The following SVEP1 variants were observed in gnomAD, a reference collection of about 807,000 sequenced individuals.
The protein encoded by SVEP1 is sushi, von Willebrand factor type A, EGF and pentraxin domain-containing protein 1.
Under a neutral mutation model 367.3 loss-of-function variants are expected in SVEP1, and 164 were observed. That is an observed-to-expected ratio of 0.45 (90% CI 0.39 to 0.51). SVEP1 has a LOEUF of 0.51. Ranked by LOEUF, SVEP1 falls within the 20% of genes least tolerant of loss-of-function variation. SVEP1 has a pLI of 0.00. For synonymous variants in SVEP1, 1,666 were observed against 1,611.6 expected (o/e 1.03, Z -0.81); for missense variants, 4,117 against 4,425.3 (o/e 0.93, Z 1.98).
In SVEP1 at chr9:110,407,901, C is replaced by A; in HGVS notation, c.7699G>T (p.Val2567Leu). ...DSPQPIENGFVEGADYSYGAI... is the reference protein window; with the variant it reads ...DSPQPIENGFLEGADYSYGAI... ...CCATAGCTGTAATCTGCACCTTCTA[C>A]AAAACCATTTTCAATGGGTTGTGGG... is the stretch of plus-strand genomic sequence containing the variant. Residue 2567 changes from valine to leucine, a missense_variant, in exon 38 of 48, where the codon GTA becomes TTA. Val to Leu is a conservative substitution (Grantham distance 32, BLOSUM62 1). This residue lies in a region of SVEP1 where 1,765 missense variants were observed against 1,781.1 expected (regional missense o/e 0.99). Coordinates refer to ENST00000374469, the MANE Select transcript of SVEP1 (RefSeq NM_153366.4). 1 of 1,613,996 alleles carries A rather than the reference C, an allele frequency of 6.2e-7. No individual in the cohort carries two copies. The highest frequency in any genetic ancestry group is 8.5e-7 in the Non-Finnish European group (1 of 1,179,898).
At chr9:110,501,430 TCTG>T (rs1255781034) in intron 6 of SVEP1, among the ~76,000 whole-genome samples, 1 of 151,984 alleles carries the variant, frequency 6.6e-6, no homozygotes, top group Non-Finnish European at 1.5e-5. Flanking sequence ...TTTTCTAATG[TCTG>T]CTGGCAGATA....
At chr9:110,460,657 C>G (rs1177147874) in intron 18 of SVEP1, among the ~76,000 whole-genome samples, 3 of 151,874 alleles carry the variant, frequency 2.0e-5, no homozygotes, top group African/African-American at 2.4e-5. Flanking sequence ...GAGGCTAAGG[C>G]AGGAGAATTG....
chr9:110,457,704 A>T (rs1828796932), intron 20 of SVEP1, among the ~76,000 whole-genome samples: 1 of 152,188 alleles, frequency 6.6e-6, no homozygotes, highest in Non-Finnish European at 1.5e-5. Context: ...ACTGTCTTAA[A>T]AACTTGGCCA....
chr9:110,409,111 T>C (rs1296353111), intron 37 of SVEP1, among the ~76,000 whole-genome samples, 160 bp from the exon 38 acceptor site: 1 of 152,246 alleles, frequency 6.6e-6, no homozygotes, highest in Non-Finnish European at 1.5e-5. Flanking sequence ...AGATCCATTC[T>C]ATTTTTTTAA....
At chr9:110,425,875 TGG>T (rs1385650129) in intron 36 of SVEP1, among the ~76,000 whole-genome samples, 2 of 152,190 alleles carry the variant, frequency 1.3e-5, no homozygotes, top group Non-Finnish European at 2.9e-5. Context: ...TATTTGTCTT[TGG>T]GTAATAAAAT....
intron 32 of SVEP1, among the ~76,000 whole-genome samples, chr9:110,431,308 CTGATA>C (rs376032531): frequency 3.5e-3 from 526 of 152,188 alleles, no homozygotes; most frequent in African/African-American, 0.012. Flanking sequence ...AAAAATGTGC[CTGATA>C]TAATATTACA....
chr9:110,445,762 C>T lies in SVEP1; in HGVS notation c.4463+75G>A, dbSNP rs953256368. ...CACCTGACCCTCTACTTTCCCATTT[C>T]CCATCCTCAATGTCAGTTCTAATTC... On this transcript the variant is annotated intron_variant, in intron 26 of 47. Transcript: ENST00000374469. 7 of 1,530,484 alleles carry T rather than the reference C, an allele frequency of 4.6e-6. No individual in the cohort carries two copies. The African/African-American group carries it at 6.8e-5, about 15-fold the overall frequency. 94.8% of individuals were successfully genotyped at this position (1,530,484 alleles called of 1,614,324 possible).
At chr9:110,480,704 T>C (rs942232367) in intron 12 of SVEP1, among the ~76,000 whole-genome samples, 23 of 152,148 alleles carry the variant, frequency 1.5e-4, no homozygotes, top group South Asian at 1.2e-3. Flanking sequence ...TGATCAAAGT[T>C]CCCTGCAGTC....
rs1554710906 is a variant in SVEP1, at chr9:110,392,133, T to TTTTATATATATA, written c.9823-2547_9823-2546insTATATATATAAA. Among the ~76,000 whole-genome samples the TTTTATATATATA allele has an allele frequency of 6.5e-4, 65 of 99,666 alleles. 3 individuals are homozygous for TTTTATATATATA. The highest frequency in any genetic ancestry group is 1.8e-3 in the African/African-American group (47 of 25,842). The allele number at this position is 99,666 out of a possible 152,430, so 65.4% of individuals were successfully genotyped here. ...CATTAACTTGTGACCCAATTCCTCA[T>TTTTATATATATA]TATATATATATATATATATATCTCT... On this transcript the variant is annotated intron_variant, in intron 40 of 47. Coordinates refer to ENST00000374469, the MANE Select transcript of SVEP1 (RefSeq NM_153366.4).
At chr9:110,474,215 G>T (rs192161638) in intron 14 of SVEP1, among the ~76,000 whole-genome samples, 118 of 152,186 alleles carry the variant, frequency 7.8e-4, no homozygotes, top group Non-Finnish European at 1.4e-3. Context: ...GGCCAAGTTG[G>T]TCTCTAACTC....
intron 3 of SVEP1, among the ~76,000 whole-genome samples, chr9:110,540,212 G>A (rs1830127494): frequency 6.6e-6 from 1 of 151,898 alleles, no homozygotes; most frequent in Non-Finnish European, 1.5e-5. Flanking sequence ...GAAAGGTAAA[G>A]GATGAAGACA....
chr9:110,423,571 A>G (rs529709101), intron 36 of SVEP1, among the ~76,000 whole-genome samples: 1 of 152,160 alleles, frequency 6.6e-6, no homozygotes, highest in Non-Finnish European at 1.5e-5. Flanking sequence ...GAAGGCAGAA[A>G]CATTAAGTAT....
At chr9:110,428,399 A>AACAC (rs113743775) in intron 35 of SVEP1, among the ~76,000 whole-genome samples, 4,347 of 120,190 alleles carry the variant, frequency 0.036, 74 homozygotes, top group African/African-American at 0.075. Flanking sequence ...CCTCTGTTTA[A>AACAC]ACACACACAC....
At chr9:110,423,984 C>T (rs1292068891) in intron 36 of SVEP1, among the ~76,000 whole-genome samples, 3 of 152,192 alleles carry the variant, frequency 2.0e-5, no homozygotes, top group Non-Finnish European at 4.4e-5. Context: ...GAAGAATCAA[C>T]TGTGATAAAC....
intron 45 of SVEP1, among the ~76,000 whole-genome samples, chr9:110,376,016 G>A (rs1333030890): frequency 6.6e-6 from 1 of 152,182 alleles, no homozygotes; most frequent in Non-Finnish European, 1.5e-5. Context: ...CCCTGTTCAT[G>A]ACTATCATTC....
chr9:110,546,179 T>C lies in SVEP1; in HGVS notation c.900A>G (p.Thr300=). Residue 300 remains threonine, a synonymous_variant, in exon 3 of 48, where the codon ACA becomes ACG. Coordinates refer to ENST00000374469, the MANE Select transcript of SVEP1 (RefSeq NM_153366.4). The part of the protein sequence containing the change: ...RMGSCKCGTH[T]GHFECICEKG... The stretch of plus-strand genomic sequence containing the variant: ...TTTCACAGATGCACTCAAAATGGCC[T>C]GTGTGTGTCCCACATTTGCAGCTTC... 1 of 1,560,646 alleles carries C rather than the reference T, an allele frequency of 6.4e-7. No homozygotes were observed.
chr9:110,480,692 T>C (rs1334843105), intron 12 of SVEP1, among the ~76,000 whole-genome samples: 1 of 152,068 alleles, frequency 6.6e-6, no homozygotes, highest in Non-Finnish European at 1.5e-5. Flanking sequence ...AGTACAGTGA[T>C]GTGATCAAAG....
chr9:110,556,832 A>G (rs1830363079), intron 1 of SVEP1, among the ~76,000 whole-genome samples: 1 of 152,172 alleles, frequency 6.6e-6, no homozygotes, highest in Non-Finnish European at 1.5e-5. Flanking sequence ...TGATGAGCCA[A>G]TAGAAGGAAA....
chr9:110,478,526 C>T (rs12376107), intron 13 of SVEP1, among the ~76,000 whole-genome samples: 43,052 of 152,038 alleles, frequency 0.28, 6,454 homozygotes, highest in Admixed American at 0.33. Context: ...AAATATTTAA[C>T]ATTTTAAAGA....
Sources: gnomAD v4.1 joint callset for allele counts (sites outside exome capture counted in the v4.1 genomes callset) on GRCh38, gnomAD v4.1.1 for gene constraint, gnomAD v4.1.1 regional missense constraint, MANE v1.5 for transcripts, NCBI Gene and HGNC (gene_info 2026-07-23, HGNC 2026-07-21) for gene names.